EXOC4: variants seen among roughly 807,000 people sequenced by gnomAD.
The protein encoded by EXOC4 is exocyst complex component 4.
EXOC4 carries 71 observed loss-of-function variants against 107.2 expected under a neutral mutation model. The observed-to-expected ratio is 0.66, with a 90% CI of 0.55 to 0.81. The LOEUF (loss-of-function observed/expected upper bound fraction) is 0.81, where lower values mean the gene tolerates loss of function less well. Ranked by LOEUF, EXOC4 falls within the 30% of genes least tolerant of loss-of-function variation. The pLI is 0.00. For missense variants in EXOC4, 1,108 were observed against 1,189.6 expected (o/e 0.93, Z 1.01); for synonymous variants, 456 against 441.2 (o/e 1.03, Z -0.42).
intron 17 of EXOC4, among the ~76,000 whole-genome samples, chr7:134,055,094 A>G (rs1795891668): frequency 6.6e-6 from 1 of 152,184 alleles, no homozygotes; most frequent in Non-Finnish European, 1.5e-5. Context: ...TACGCTTCTC[A>G]AATAATCCAG....
At chr7:133,428,873 T>C (rs71535748) in intron 7 of EXOC4, among the ~76,000 whole-genome samples, 2 of 152,216 alleles carry the variant, frequency 1.3e-5, no homozygotes, top group Non-Finnish European at 1.5e-5. Flanking sequence ...TTTTCTTAAA[T>C]TTTTTTCTTT....
chr7:133,682,367 C>T (rs1249205623), intron 10 of EXOC4, among the ~76,000 whole-genome samples: 1 of 152,118 alleles, frequency 6.6e-6, no homozygotes, highest in Admixed American at 6.6e-5. Context: ...GTGCTATTCT[C>T]GTGATAGTGA....
At chr7:134,068,552 G>T (rs1796218131), downstream of EXOC4, among the ~76,000 whole-genome samples, 1 of 152,026 alleles carries the variant, frequency 6.6e-6, no homozygotes, top group Non-Finnish European at 1.5e-5. Flanking sequence ...CCAGTGTCAG[G>T]TATTTCTTCA....
chr7:134,069,143 T>G (rs1202697619), downstream of EXOC4, among the ~76,000 whole-genome samples: 1 of 152,156 alleles, frequency 6.6e-6, no homozygotes, highest in African/African-American at 2.4e-5. Context: ...TCTGGAAGCT[T>G]AGGACTCTCA....
intron 9 of EXOC4, among the ~76,000 whole-genome samples, chr7:133,554,797 TG>T (rs1800661479): frequency 6.6e-6 from 1 of 152,210 alleles, no homozygotes; most frequent in African/African-American, 2.4e-5. Context: ...CCAACTAGAC[TG>T]TGAGATCCTT....
chr7:133,539,731 A>G (rs1242130194), intron 9 of EXOC4, among the ~76,000 whole-genome samples: 4 of 152,104 alleles, frequency 2.6e-5, no homozygotes, highest in African/African-American at 9.7e-5. Flanking sequence ...AAATTATAAT[A>G]TGGTTTTATA....
chr7:133,313,480 T>G (rs555044468), intron 4 of EXOC4, among the ~76,000 whole-genome samples: 7 of 152,352 alleles, frequency 4.6e-5, no homozygotes, highest in African/African-American at 1.7e-4. Context: ...TATAAGTGAA[T>G]ATATCAGTTA....
intron 9 of EXOC4, among the ~76,000 whole-genome samples, chr7:133,557,137 G>T (rs1351313982): frequency 6.6e-6 from 1 of 152,090 alleles, no homozygotes; most frequent in African/African-American, 2.4e-5. Context: ...AAGGAGACAG[G>T]TACCCTTTTC....
chr7:133,916,387 A>G (rs1291111043), intron 12 of EXOC4, among the ~76,000 whole-genome samples: 2 of 152,142 alleles, frequency 1.3e-5, no homozygotes, highest in Non-Finnish European at 2.9e-5. Context: ...ACATGAAACT[A>G]TGTTACCTTA....
At chr7:133,868,016 A>G (rs1798677033) in intron 11 of EXOC4, among the ~76,000 whole-genome samples, 1 of 152,248 alleles carries the variant, frequency 6.6e-6, no homozygotes, top group African/African-American at 2.4e-5. Flanking sequence ...GAAGGTAAAA[A>G]GCATTTTCTT....
chr7:133,752,611 A>T (rs1795817615), intron 10 of EXOC4, among the ~76,000 whole-genome samples: 1 of 152,242 alleles, frequency 6.6e-6, no homozygotes, highest in Non-Finnish European at 1.5e-5. Context: ...GAAAATGAAC[A>T]TTAAAAAAGT....
At chr7:133,841,313 A>G (rs1005575965) in intron 11 of EXOC4, among the ~76,000 whole-genome samples, 3 of 152,180 alleles carry the variant, frequency 2.0e-5, no homozygotes, top group Admixed American at 6.5e-5. Context: ...GAATTTGGGA[A>G]GTGGTTCATA....
chr7:134,053,863 G>C (rs1302873758), intron 17 of EXOC4, among the ~76,000 whole-genome samples: 1 of 152,076 alleles, frequency 6.6e-6, no homozygotes. Context: ...TAAAGCAAAA[G>C]AAGAACTATG....
chr7:133,837,217 A>G (rs1797936676), intron 11 of EXOC4, among the ~76,000 whole-genome samples: 1 of 152,194 alleles, frequency 6.6e-6, no homozygotes, highest in Non-Finnish European at 1.5e-5. Flanking sequence ...GCGAAAATTT[A>G]AAGAAAAGGA....
intron 10 of EXOC4, among the ~76,000 whole-genome samples, chr7:133,713,179 T>C (rs1286771370): frequency 6.6e-6 from 1 of 152,104 alleles, no homozygotes; most frequent in Admixed American, 6.6e-5. Flanking sequence ...GAAGACAAAG[T>C]AAAGGGTTAA....
chr7:133,421,869 A>G (rs1797615458), intron 7 of EXOC4, among the ~76,000 whole-genome samples: 1 of 152,116 alleles, frequency 6.6e-6, no homozygotes, highest in Non-Finnish European at 1.5e-5. Flanking sequence ...GTCATTGAGC[A>G]TTTTTTCAGG....
At chr7:133,866,486 T>C (rs529308600) in intron 11 of EXOC4, among the ~76,000 whole-genome samples, 1 of 152,296 alleles carries the variant, frequency 6.6e-6, no homozygotes, top group Non-Finnish European at 1.5e-5. Context: ...ATAATGTAGC[T>C]AGAGAGGCTC....
chr7:133,521,533 A>T (rs779887016), intron 9 of EXOC4, among the ~76,000 whole-genome samples: 1 of 152,120 alleles, frequency 6.6e-6, no homozygotes, highest in Non-Finnish European at 1.5e-5. Flanking sequence ...GGAGAAATGA[A>T]GGATAACCTA....
chr7:133,871,413 C>T (rs935498867), intron 11 of EXOC4, among the ~76,000 whole-genome samples: 6 of 152,076 alleles, frequency 3.9e-5, no homozygotes, highest in Non-Finnish European at 7.4e-5. Context: ...TTCTTCTGTT[C>T]CTGCCAGTCA....
Sources: gnomAD v4.1 joint callset for allele counts (sites outside exome capture counted in the v4.1 genomes callset) on GRCh38, gnomAD v4.1.1 for gene constraint, MANE v1.5 for transcripts, NCBI Gene and HGNC (gene_info 2026-07-23, HGNC 2026-07-21) for gene names.